Variants in FRY observed in about 807,000 individuals in gnomAD.
FRY encodes the protein protein furry homolog.
In FRY, 128 loss-of-function variants were observed where a neutral mutation model predicts 348.4. The ratio of observed to expected loss-of-function variants is 0.37; its 90% CI spans 0.32 to 0.43. The LOEUF (loss-of-function observed/expected upper bound fraction) is 0.43. Ranked by LOEUF, FRY falls within the 20% of genes least tolerant of loss-of-function variation. The probability of loss-of-function intolerance (pLI) is 1.00; values close to 1 mark genes in which losing one functional copy is unlikely to be tolerated. For synonymous variants in FRY, 1,370 were observed against 1,374.7 expected (o/e 1.00, Z 0.08); for missense variants, 2,736 against 3,695.2 (o/e 0.74, Z 6.73).
At position 32,123,080 on chromosome 13, in the gene FRY, A is replaced by G. The variant is rs566949301; in HGVS notation, c.465-1206A>G. 3.3e-5 allele frequency among the ~76,000 whole-genome samples: 5 copies of G among 152,372 alleles called. No homozygotes were observed. In the South Asian group the frequency reaches 1.0e-3, roughly 32 times the overall value. On this transcript the variant is annotated intron_variant, in intron 4 of 60. Coordinates refer to ENST00000542859, the MANE Select transcript of FRY (RefSeq NM_023037.3). ...GGAAACATATCCCATGCTCAAGGAT[A>G]GGTAGAATCAATATTGTGAAAATGA...
intron 2 of FRY, chr13:32,086,071 G>A (rs1233614493): frequency 2.1e-6 from 1 of 477,976 alleles, no homozygotes; most frequent in Non-Finnish European, 4.2e-6. Flanking sequence ...GCCTCTGAGG[G>A]TTTTCAAAGG....
At chr13:32,193,678 C>A (rs1883492892) in intron 28 of FRY, among the ~76,000 whole-genome samples, 1 of 150,900 alleles carries the variant, frequency 6.6e-6, no homozygotes, top group Non-Finnish European at 1.5e-5. Context: ...CTCTGCCTCC[C>A]AGGTTTAAGT....
chr13:32,199,957 A>G lies in FRY; in HGVS notation c.3747-1984A>G, dbSNP rs148919545. Among the ~76,000 whole-genome samples the G allele has an allele frequency of 1.1e-4, 17 of 152,310 alleles. No homozygotes were observed. The East Asian group carries it at 3.3e-3, about 29-fold the overall frequency. Reference sequence around the variant, plus strand: ...GTTATAGAGACTAAGTCCACAGTCAAGGGGCCTCATCTGGTGAGGGCCTTC... The same window carrying G: ...GTTATAGAGACTAAGTCCACAGTCAGGGGGCCTCATCTGGTGAGGGCCTTC... On this transcript the variant is annotated intron_variant, in intron 29 of 60. Transcript: ENST00000542859.
At chr13:32,068,766 A>G (rs954933484) in intron 1 of FRY, among the ~76,000 whole-genome samples, 3 of 152,244 alleles carry the variant, frequency 2.0e-5, no homozygotes, top group Non-Finnish European at 4.4e-5. Context: ...TGTGCCTTCA[A>G]GTAGACTTGC....
At chr13:32,209,440 A>C (rs891711232) in intron 32 of FRY, 145 bp from the exon 33 acceptor site, 13 of 804,048 alleles carry the variant, frequency 1.6e-5, no homozygotes, top group East Asian at 1.0e-4. Context: ...GTTTACTGAA[A>C]GATGGCATCT....
chr13:32,050,078 C>G (rs2138397590), intron 1 of FRY, among the ~76,000 whole-genome samples: 1 of 152,296 alleles, frequency 6.6e-6, no homozygotes, highest in Admixed American at 6.5e-5. Context: ...TGTAAAGCCC[C>G]TATACATTCA....
intron 31 of FRY, among the ~76,000 whole-genome samples, chr13:32,206,705 C>T (rs1884371505): frequency 6.6e-6 from 1 of 152,210 alleles, no homozygotes; most frequent in African/African-American, 2.4e-5. Flanking sequence ...GTTCAACCTA[C>T]ATTTCCTTGA....
intron 29 of FRY, among the ~76,000 whole-genome samples, chr13:32,200,791 TC>T (rs1157182435): frequency 6.6e-6 from 1 of 152,116 alleles, no homozygotes; most frequent in Non-Finnish European, 1.5e-5. Context: ...TGTGTTCCTC[TC>T]CCCCCATCCC....
intron 31 of FRY, among the ~76,000 whole-genome samples, chr13:32,207,370 CTGTT>C (rs1884417645): frequency 1.3e-5 from 2 of 152,192 alleles, no homozygotes; most frequent in African/African-American, 2.4e-5. Context: ...CCAAAGCACT[CTGTT>C]TGTGCCTTTC....
chr13:32,080,642 T>C (rs1875418719), intron 2 of FRY, among the ~76,000 whole-genome samples: 1 of 152,056 alleles, frequency 6.6e-6, no homozygotes, highest in Non-Finnish European at 1.5e-5. Flanking sequence ...GTATCCAAAG[T>C]CCCATTGCCC....
chr13:32,269,228 G>A (rs1309430192), intron 55 of FRY, among the ~76,000 whole-genome samples: 2 of 152,174 alleles, frequency 1.3e-5, no homozygotes, highest in Non-Finnish European at 2.9e-5. Context: ...TTGGGGAGTA[G>A]GAGACTCCAT....
chr13:32,065,704 G>A (rs779163070), intron 1 of FRY, among the ~76,000 whole-genome samples: 1 of 152,090 alleles, frequency 6.6e-6, no homozygotes, highest in Non-Finnish European at 1.5e-5. Flanking sequence ...GGGCTCAAGC[G>A]ATCCTCCCGT....
chr13:32,253,424 CATT>C (rs1285239739), intron 50 of FRY, among the ~76,000 whole-genome samples: 1 of 152,132 alleles, frequency 6.6e-6, no homozygotes, highest in South Asian at 2.1e-4. Flanking sequence ...ACAACTAAGA[CATT>C]ATAATGGTTA....
intron 1 of FRY, among the ~76,000 whole-genome samples, chr13:32,040,596 A>G (rs893071869): frequency 6.6e-6 from 1 of 152,226 alleles, no homozygotes; most frequent in Non-Finnish European, 1.5e-5. Context: ...CTTGCTTTTC[A>G]GTATTCTGAA....
intron 4 of FRY, among the ~76,000 whole-genome samples, chr13:32,120,781 C>T (rs1878602675): frequency 6.6e-6 from 1 of 152,218 alleles, no homozygotes; most frequent in Admixed American, 6.5e-5. Flanking sequence ...CCTGCCTCAG[C>T]CTCCCAAGTA....
chr13:32,220,680 A>T (rs1885266523), intron 36 of FRY, among the ~76,000 whole-genome samples: 1 of 152,260 alleles, frequency 6.6e-6, no homozygotes, highest in African/African-American at 2.4e-5. Flanking sequence ...TCCTCTCAGC[A>T]CATTTTGGCT....
chr13:32,152,211 CAATA>C (rs1190033102), intron 14 of FRY, among the ~76,000 whole-genome samples: 1 of 152,116 alleles, frequency 6.6e-6, no homozygotes, highest in Non-Finnish European at 1.5e-5. Flanking sequence ...ACTGTAATCT[CAATA>C]ATAATAAACC....
Position 32,237,385 on chromosome 13 carries a change from C to T in FRY, c.5817C>T (p.Ser1939=), listed in dbSNP as rs1403586501. The change falls in exon 44 of 61, where the codon TCC becomes TCT. Residue 1939 remains serine, a synonymous_variant. Transcript: ENST00000542859. This position sits in a 1 kb window ranked among gnomAD's most constrained non-coding sequence, Gnocchi z 6.3. The part of the protein sequence containing the change: ...SDLLTVLSRS[S]SPDLSSSSKL... ...TATTTATTTTTATACCCAGCTCTTC[C>T]TCACCAGATTTAAGCTCCAGCAGTA... 6.2e-7 allele frequency: 1 copy of T among 1,613,886 alleles called. No individual in the cohort carries two copies. Among genetic ancestry groups the T allele is most frequent in the Admixed American group, 1.7e-5 (1 of 60,014 alleles).
intron 34 of FRY, among the ~76,000 whole-genome samples, chr13:32,211,894 G>A (rs1045405945): frequency 4.5e-4 from 68 of 152,120 alleles, no homozygotes; most frequent in African/African-American, 1.6e-3. Flanking sequence ...GGAAGCAGTA[G>A]CACAGCAATC....
Sources: gnomAD v4.1 joint callset for allele counts (sites outside exome capture counted in the v4.1 genomes callset) on GRCh38, gnomAD v4.1.1 for gene constraint, Gnocchi (gnomAD v3.1) non-coding constraint, MANE v1.5 for transcripts, NCBI Gene and HGNC (gene_info 2026-07-23, HGNC 2026-07-21) for gene names.